Variants in CCDC6 observed in about 807,000 individuals in gnomAD.
The protein encoded by CCDC6 is coiled-coil domain containing 6.
A neutral mutation model predicts 56.6 loss-of-function variants in CCDC6; 20 were observed. The observed-to-expected ratio is 0.35, with a 90% CI of 0.25 to 0.51. The LOEUF is 0.51. Among genes scored for constraint, CCDC6 ranks in the 20% least tolerant of loss-of-function variants. The pLI is 0.95. For synonymous variants in CCDC6, 241 were observed against 234.4 expected, an observed-to-expected ratio of 1.03 and a Z score of -0.26; for missense variants, 367 against 601.1, an observed-to-expected ratio of 0.61 and a Z score of 4.07.
At chr10:59,856,345 TA>T (rs59039796) in intron 1 of CCDC6, among the ~76,000 whole-genome samples, 7,244 of 137,502 alleles carry the variant, frequency 0.053, 571 homozygotes, top group African/African-American at 0.17. Context: ...CAGCCTTAGG[TA>T]AAAAAAAAAA....
chr10:59,862,332 C>T (rs914708577), intron 1 of CCDC6, among the ~76,000 whole-genome samples: 14 of 151,340 alleles, frequency 9.3e-5, no homozygotes, highest in Non-Finnish European at 2.1e-4. Context: ...GCTAAAAACA[C>T]AAAAAATTAA....
At chr10:59,851,039 G>GATACA (rs1589049847) in intron 2 of CCDC6, among the ~76,000 whole-genome samples, 1 of 140,604 alleles carries the variant, frequency 7.1e-6, no homozygotes, top group Non-Finnish European at 1.5e-5. Context: ...TCATACTGGA[G>GATACA]ATACATAGAG....
At chr10:59,890,089 G>A (rs771703715) in intron 1 of CCDC6, among the ~76,000 whole-genome samples, 2 of 152,186 alleles carry the variant, frequency 1.3e-5, no homozygotes, top group Non-Finnish European at 2.9e-5. Context: ...TCAGGAAGCT[G>A]AGGCTCGTCA....
At chr10:59,877,611 G>A (rs949545177) in intron 1 of CCDC6, among the ~76,000 whole-genome samples, 2 of 152,210 alleles carry the variant, frequency 1.3e-5, no homozygotes, top group African/African-American at 4.8e-5. Context: ...TGTGGAGCAA[G>A]AGAGACAGTG....
At chr10:59,904,920 AG>A (rs2071531417) in intron 1 of CCDC6, among the ~76,000 whole-genome samples, 2 of 152,308 alleles carry the variant, frequency 1.3e-5, no homozygotes, top group South Asian at 4.2e-4. Flanking sequence ...TCCTGGCACA[AG>A]GGGCATCCTA....
At chr10:59,793,192 G>T in intron 8 of CCDC6, 81 bp from the exon 9 acceptor site, 1 of 1,146,916 alleles carries the variant, frequency 8.7e-7, no homozygotes. Flanking sequence ...CTTGGCACTG[G>T]GGCTAATCAA....
chr10:59,878,226 G>A (rs1450408911), intron 1 of CCDC6, among the ~76,000 whole-genome samples: 14 of 152,144 alleles, frequency 9.2e-5, no homozygotes, highest in Admixed American at 7.9e-4. Context: ...AAACAAATAA[G>A]TATCCAGGAG....
rs1403476187 is a variant in CCDC6, at chr10:59,854,683, C to G, written c.304-1981G>C. Among the ~76,000 whole-genome samples the G allele has an allele frequency of 5.9e-5, 9 of 152,214 alleles. No homozygotes were observed. The East Asian group carries it at 1.7e-3, about 29-fold the overall frequency. On this transcript the variant is annotated intron_variant, in intron 1 of 8. Coordinates refer to ENST00000263102, the MANE Select transcript of CCDC6 (RefSeq NM_005436.5). ...TCATACTTCTCCTCCCCCTTTAAAT[C>G]AATCCCCACTTGCCTTCCGAACTCT...
intron 1 of CCDC6, among the ~76,000 whole-genome samples, chr10:59,881,549 A>G (rs1294849246): frequency 6.6e-6 from 1 of 152,184 alleles, no homozygotes. Context: ...TTCATTCTAA[A>G]ATTCACTGGG....
intron 7 of CCDC6, among the ~76,000 whole-genome samples, chr10:59,800,752 C>A (rs951611884): frequency 1.3e-5 from 2 of 151,458 alleles, no homozygotes; most frequent in African/African-American, 4.9e-5. Flanking sequence ...CCCAGGAATA[C>A]AATAAAGGAT....
chr10:59,865,171 A>AC (rs2132664424), intron 1 of CCDC6, among the ~76,000 whole-genome samples: 1 of 152,290 alleles, frequency 6.6e-6, no homozygotes, highest in Non-Finnish European at 1.5e-5. Context: ...GAGGTTTCCA[A>AC]CCCTGGCCCA....
intron 7 of CCDC6, 54 bp downstream of exon 7, chr10:59,804,366 C>T (rs2070602264): frequency 1.0e-6 from 1 of 997,906 alleles, no homozygotes; most frequent in East Asian, 2.4e-5. Context: ...GTCAGGGTTG[C>T]CTATTCAATG....
intron 7 of CCDC6, among the ~76,000 whole-genome samples, chr10:59,803,366 T>C (rs2070592932): frequency 1.3e-5 from 2 of 152,174 alleles, no homozygotes; most frequent in Non-Finnish European, 2.9e-5. Flanking sequence ...ACTTTTGTTA[T>C]CCTGATGCAA....
At chr10:59,844,720 C>T (rs1030211811) in intron 2 of CCDC6, among the ~76,000 whole-genome samples, 1 of 148,296 alleles carries the variant, frequency 6.7e-6, no homozygotes, top group Non-Finnish European at 1.5e-5. Context: ...CAAGATCATG[C>T]CAGCCTGGGC....
At chr10:59,826,806 C>T (rs538224137) in intron 3 of CCDC6, among the ~76,000 whole-genome samples, 1 of 152,284 alleles carries the variant, frequency 6.6e-6, no homozygotes, top group African/African-American at 2.4e-5. Context: ...AAATGATATA[C>T]ACACTTATTT....
At chr10:59,849,179 C>T (rs752526953) in intron 2 of CCDC6, among the ~76,000 whole-genome samples, 30 of 152,190 alleles carry the variant, frequency 2.0e-4, no homozygotes, top group Non-Finnish European at 1.2e-4. Flanking sequence ...CTTTTTGGAA[C>T]AATGTCTCAC....
intron 1 of CCDC6, among the ~76,000 whole-genome samples, chr10:59,871,309 C>G (rs1324471748): frequency 6.6e-6 from 1 of 151,728 alleles, no homozygotes; most frequent in African/African-American, 2.4e-5. Flanking sequence ...CTAAGAACAC[C>G]GCCTTGTATA....
At chr10:59,800,361 A>C (rs900951195) in intron 7 of CCDC6, among the ~76,000 whole-genome samples, 2 of 152,188 alleles carry the variant, frequency 1.3e-5, no homozygotes, top group African/African-American at 2.4e-5. Flanking sequence ...GTTCTCTATA[A>C]TTTTGTCACT....
chr10:59,905,333 T>G (rs1293612371), intron 1 of CCDC6, among the ~76,000 whole-genome samples: 3 of 152,142 alleles, frequency 2.0e-5, no homozygotes, highest in African/African-American at 7.2e-5. Flanking sequence ...CTCCAGTATC[T>G]AGACTCAGAA....
Sources: gnomAD v4.1 joint callset for allele counts (sites outside exome capture counted in the v4.1 genomes callset) on GRCh38, gnomAD v4.1.1 for gene constraint, MANE v1.5 for transcripts, NCBI Gene and HGNC (gene_info 2026-07-23, HGNC 2026-07-21) for gene names.